AVEN: variants seen among roughly 807,000 people sequenced by gnomAD.
AVEN encodes the protein apoptosis and caspase activation inhibitor.
In AVEN, 41 loss-of-function variants were observed where a neutral mutation model predicts 38.1. That is an observed-to-expected ratio of 1.08 (90% CI 0.84 to 1.40). AVEN has a LOEUF of 1.40. AVEN is among the 40% of genes most tolerant of loss of function. The pLI is 0.00. For missense variants in AVEN, 605 were observed against 438.8 expected, an observed-to-expected ratio of 1.38 and a Z score of -3.38; for synonymous variants, 206 against 171.8, an observed-to-expected ratio of 1.20 and a Z score of -1.56.
At chr15:33,857,325 G>A (rs576047939), downstream of AVEN, among the ~76,000 whole-genome samples, 10 of 152,084 alleles carry the variant, frequency 6.6e-5, no homozygotes, top group South Asian at 6.3e-4. Flanking sequence ...TCCCCTGACC[G>A]TCCCTTCACG....
chr15:33,975,384 T>C (rs532629376), intron 2 of AVEN, among the ~76,000 whole-genome samples: 3 of 152,346 alleles, frequency 2.0e-5, no homozygotes, highest in East Asian at 1.9e-4. Context: ...TACTTAGCTA[T>C]GCGGAATGCT....
intron 2 of AVEN, among the ~76,000 whole-genome samples, chr15:33,932,566 C>T (rs1893888195): frequency 6.6e-6 from 1 of 152,136 alleles, no homozygotes; most frequent in African/African-American, 2.4e-5. Context: ...GTGGCTCACG[C>T]CTGTAATCCC....
intron 2 of AVEN, among the ~76,000 whole-genome samples, chr15:33,967,749 CA>C (rs2140486403): frequency 6.6e-6 from 1 of 151,732 alleles, no homozygotes; most frequent in East Asian, 1.9e-4. Context: ...AACTGAAGTG[CA>C]AAAATTATGA....
At chr15:33,967,615 A>T (rs1379724010) in intron 2 of AVEN, among the ~76,000 whole-genome samples, 1 of 151,976 alleles carries the variant, frequency 6.6e-6, no homozygotes, top group Non-Finnish European at 1.5e-5. Context: ...ATTTTTTAAA[A>T]TTTAAAAACA....
chr15:33,953,849 G>A (rs960048396), intron 2 of AVEN, among the ~76,000 whole-genome samples: 9 of 152,118 alleles, frequency 5.9e-5, no homozygotes, highest in African/African-American at 2.2e-4. Context: ...AGAGTGAACA[G>A]GCAACCTATA....
chr15:33,968,001 C>G (rs2702315), intron 2 of AVEN, among the ~76,000 whole-genome samples: 2 of 144,652 alleles, frequency 1.4e-5, no homozygotes, highest in Non-Finnish European at 3.0e-5. Flanking sequence ...TATACTCTTT[C>G]TATCTCAAAG....
chr15:33,922,150 T>C (rs975566609), intron 2 of AVEN, among the ~76,000 whole-genome samples: 1 of 152,174 alleles, frequency 6.6e-6, no homozygotes, highest in Non-Finnish European at 1.5e-5. Context: ...TCTTTCAATA[T>C]AGGGAGTATA....
At chr15:33,956,894 A>T (rs1894974269) in intron 2 of AVEN, among the ~76,000 whole-genome samples, 1 of 152,278 alleles carries the variant, frequency 6.6e-6, no homozygotes, top group East Asian at 1.9e-4. Flanking sequence ...TTGGACCAAC[A>T]CCATTTTCCT....
exon 1 of AVEN, among the ~76,000 whole-genome samples, chr15:34,074,945 G>A (rs756142702): frequency 6.6e-6 from 1 of 152,044 alleles, no homozygotes; most frequent in Non-Finnish European, 1.5e-5. Flanking sequence ...TTGGGAGGCC[G>A]AGGAGGGCAG....
chr15:33,861,054 T>A, intron 11 of AVEN: 1 of 1,530,716 alleles, frequency 6.5e-7, no homozygotes. Context: ...AACAAATGCC[T>A]TTTCTGCCTG....
chr15:33,963,591 G>A (rs1895278893), intron 2 of AVEN, among the ~76,000 whole-genome samples: 1 of 152,102 alleles, frequency 6.6e-6, no homozygotes, highest in African/African-American at 2.4e-5. Context: ...GAGGTCAGGA[G>A]TTTGAGACCA....
intron 3 of AVEN, among the ~76,000 whole-genome samples, chr15:33,873,160 C>G (rs552318374): frequency 1.3e-3 from 169 of 130,068 alleles, no homozygotes; most frequent in African/African-American, 4.5e-3. Flanking sequence ...AGTGCAATGG[C>G]ACGATCTCGG....
At chr15:33,940,872 A>G (rs908597426) in intron 2 of AVEN, among the ~76,000 whole-genome samples, 1 of 152,206 alleles carries the variant, frequency 6.6e-6, no homozygotes, top group Non-Finnish European at 1.5e-5. Flanking sequence ...TAGGCTGAAT[A>G]GGGATTCAAC....
chr15:34,029,793 T>G (rs1396107875), intron 1 of AVEN, among the ~76,000 whole-genome samples: 1 of 152,198 alleles, frequency 6.6e-6, no homozygotes, highest in Non-Finnish European at 1.5e-5. Context: ...GGATTAAGAC[T>G]TCTTTAATAA....
intron 2 of AVEN, among the ~76,000 whole-genome samples, chr15:33,976,829 C>G (rs1332670627): frequency 6.6e-6 from 1 of 152,084 alleles, no homozygotes; most frequent in African/African-American, 2.4e-5. Flanking sequence ...TTGAAACAAA[C>G]ATCCTAGGCA....
chr15:34,009,976 A>AG (rs1470609880), intron 1 of AVEN, among the ~76,000 whole-genome samples: 4 of 152,190 alleles, frequency 2.6e-5, no homozygotes, highest in Admixed American at 6.5e-5. Flanking sequence ...AAGAAAAAAA[A>AG]GAAACATAAT....
At chr15:33,894,766 C>T (rs1418201871) in intron 2 of AVEN, among the ~76,000 whole-genome samples, 1 of 122,016 alleles carries the variant, frequency 8.2e-6, no homozygotes, top group Non-Finnish European at 1.7e-5. Flanking sequence ...GCGGAGATCA[C>T]GTCACTGCAC....
chr15:33,944,681 C>T (rs1257855473), intron 2 of AVEN, among the ~76,000 whole-genome samples: 1 of 151,984 alleles, frequency 6.6e-6, no homozygotes, highest in African/African-American at 2.4e-5. Context: ...TGGTGGCCGG[C>T]GCCTGTAGTC....
At chr15:34,045,797 T>C (rs1237062391) in intron 5 of AVEN, among the ~76,000 whole-genome samples, 1 of 152,224 alleles carries the variant, frequency 6.6e-6, no homozygotes, top group Non-Finnish European at 1.5e-5. Flanking sequence ...AGGAATTCAT[T>C]TGGTACACAG....
Sources: gnomAD v4.1 joint callset for allele counts (sites outside exome capture counted in the v4.1 genomes callset) on GRCh38, gnomAD v4.1.1 for gene constraint, MANE v1.5 for transcripts, NCBI Gene and HGNC (gene_info 2026-07-23, HGNC 2026-07-21) for gene names.